Variants in CCDC33 observed in about 807,000 individuals in gnomAD.
CCDC33 encodes the protein coiled-coil domain-containing protein 33.
Under a neutral mutation model 91.9 loss-of-function variants are expected in CCDC33, and 94 were observed. The ratio of observed to expected loss-of-function variants is 1.02; its 90% CI spans 0.87 to 1.21. The LOEUF is 1.21. Ranked by LOEUF, CCDC33 falls within the 50% of genes most tolerant of loss-of-function variation. CCDC33 has a pLI of 0.00. For missense variants in CCDC33, 940 were observed against 935.5 expected (o/e 1.00, Z -0.06); for synonymous variants, 396 against 374.5 (o/e 1.06, Z -0.66).
chr15:74,295,009 CAG>C (rs1290259272), intron 10 of CCDC33, among the ~76,000 whole-genome samples: 2 of 152,144 alleles, frequency 1.3e-5, no homozygotes, highest in African/African-American at 4.8e-5. Context: ...TCAGAATATA[CAG>C]AGAGGAGAGA....
At chr15:74,231,123 G>A (rs548662062) in intron 2 of CCDC33, among the ~76,000 whole-genome samples, 1 of 152,308 alleles carries the variant, frequency 6.6e-6, no homozygotes, top group African/African-American at 2.4e-5. Context: ...AGCAACCAGG[G>A]AAAGGTCAGA....
At position 74,244,308 on chromosome 15, in the gene CCDC33, T is replaced by C. The variant is rs2142272843; in HGVS notation, c.185+160T>C. ...GGGCACTACCTGGCATCTCCGCTGCTGCATGGGAAGCTGCTCACCAGGGCT... is the reference window on the plus strand; with the variant it reads ...GGGCACTACCTGGCATCTCCGCTGCCGCATGGGAAGCTGCTCACCAGGGCT... On this transcript the variant is annotated intron_variant, in intron 2 of 18. Transcript: ENST00000398814. The surrounding 1 kb of genome is among the most constrained non-coding windows in gnomAD (Gnocchi z 4.2). Among the ~76,000 whole-genome samples, 1 of 152,298 alleles carries C rather than the reference T, an allele frequency of 6.6e-6. No individual in the cohort carries two copies.
rs960212078 is a variant in CCDC33, at chr15:74,298,556, C to T, written c.1290+2608C>T. 5.9e-5 allele frequency among the ~76,000 whole-genome samples: 9 copies of T among 151,916 alleles called. No homozygotes were observed. In the East Asian group the frequency reaches 1.5e-3, roughly 26 times the overall value. On this transcript the variant is annotated intron_variant, in intron 11 of 18. Coordinates refer to ENST00000398814, the MANE Select transcript of CCDC33 (RefSeq NM_025055.5). ...GGTTTTTTGTTTGTTTGTTTGTTTT[C>T]GAGATGGAGTTTCGCTCTTGTTATC...
At chr15:74,301,891 CTCCTT>C (rs2059802363) in intron 11 of CCDC33, 1 of 149,746 alleles carries the variant, frequency 6.7e-6, no homozygotes, top group African/African-American at 2.4e-5. Flanking sequence ...CCACCTCTCT[CTCCTT>C]CTCTCTCTCT....
intron 10 of CCDC33, among the ~76,000 whole-genome samples, chr15:74,285,704 A>C (rs351203): frequency 0.11 from 16,621 of 151,628 alleles, 2,737 homozygotes; most frequent in African/African-American, 0.36. Context: ...GGAATATTGC[A>C]CTTGAAGGTG....
intron 11 of CCDC33, among the ~76,000 whole-genome samples, chr15:74,329,953 C>T (rs1216261450): frequency 2.0e-5 from 3 of 152,196 alleles, no homozygotes; most frequent in East Asian, 1.9e-4. Flanking sequence ...TATCACAGGA[C>T]GTGATGTGGC....
rs1306973922 is a variant in CCDC33, at chr15:74,295,773, C to T, written c.1115C>T (p.Thr372Ile). 1 of 1,612,700 alleles carries T rather than the reference C, an allele frequency of 6.2e-7. No homozygotes were observed. Among genetic ancestry groups the T allele is most frequent in the African/African-American group, 1.3e-5 (1 of 74,780 alleles). ...TCTCAGAGACCAGAAAACTTCTTGA[C>T]ACCAAACAACAGCAAGGCTCTTCCT... is the stretch of plus-strand genomic sequence containing the variant. ...LSSERPENFL[T>I]PNNSKALPTL... is the part of the protein sequence containing the mutation. Residue 372 changes from threonine (T) to isoleucine (I), a missense_variant, in exon 11 of 19, where the codon ACA becomes ATA. By Grantham distance (89) the Thr-to-Ile change is moderately conservative. Coordinates refer to ENST00000398814, the MANE Select transcript of CCDC33 (RefSeq NM_025055.5).
At chr15:74,227,021 C>T (rs2074821968) in intron 2 of CCDC33, among the ~76,000 whole-genome samples, 1 of 152,132 alleles carries the variant, frequency 6.6e-6, no homozygotes, top group South Asian at 2.1e-4. Context: ...ACTATCCCCT[C>T]TGTACCAGAG....
chr15:74,304,301 G>A (rs1255511524), intron 11 of CCDC33: 1 of 152,088 alleles, frequency 6.6e-6, no homozygotes, highest in African/African-American at 2.4e-5. Context: ...TGTGTTCCTG[G>A]GGCCCTGCGA....
intron 2 of CCDC33, among the ~76,000 whole-genome samples, chr15:74,229,068 C>T (rs902485667): frequency 6.6e-6 from 1 of 152,182 alleles, no homozygotes; most frequent in Admixed American, 6.5e-5. Context: ...GGGCGAGGTA[C>T]CCAAGGCTGT....
intron 2 of CCDC33, among the ~76,000 whole-genome samples, chr15:74,226,483 G>T (rs1292899451): frequency 6.6e-6 from 1 of 152,136 alleles, no homozygotes; most frequent in Non-Finnish European, 1.5e-5. Context: ...GGAGACAGTT[G>T]CACCCTGCCT....
At chr15:74,250,023 A>G (rs1447191741) in intron 2 of CCDC33, among the ~76,000 whole-genome samples, 1 of 151,104 alleles carries the variant, frequency 6.6e-6, no homozygotes, top group Non-Finnish European at 1.5e-5. Flanking sequence ...TCTAGCCTGT[A>G]CTCTTTTTCC....
intron 10 of CCDC33, among the ~76,000 whole-genome samples, chr15:74,286,547 A>G (rs1391156129): frequency 2.0e-5 from 3 of 152,174 alleles, no homozygotes; most frequent in Non-Finnish European, 4.4e-5. Flanking sequence ...GGAGCCTGGC[A>G]TGCACACAGT....
chr15:74,225,115 G>GGTGTGTGTGT (rs1424751006), intron 2 of CCDC33, among the ~76,000 whole-genome samples: 59 of 117,196 alleles, frequency 5.0e-4, no homozygotes, highest in African/African-American at 2.1e-3. Flanking sequence ...ACCTCCTGGA[G>GGTGTGTGTGT]GCGTGTGTGT....
intron 10 of CCDC33, among the ~76,000 whole-genome samples, chr15:74,288,279 A>G (rs887813636): frequency 3.3e-5 from 5 of 152,102 alleles, no homozygotes; most frequent in Non-Finnish European, 7.4e-5. Context: ...CCCTACTGAC[A>G]TTTGCAAACT....
chr15:74,311,064 C>T (rs953108086), intron 11 of CCDC33, among the ~76,000 whole-genome samples: 1 of 152,100 alleles, frequency 6.6e-6, no homozygotes, highest in African/African-American at 2.4e-5. Flanking sequence ...ACAGGGCGCA[C>T]GGGGCCTGTA....
intron 5 of CCDC33, 149 bp from the exon 6 acceptor site, chr15:74,271,554 G>C: frequency 3.3e-6 from 2 of 610,728 alleles, no homozygotes; most frequent in South Asian, 4.1e-5. Context: ...AACCGAGTAA[G>C]GCAGGGAACA....
At chr15:74,313,005 G>A (rs1340018487) in intron 11 of CCDC33, among the ~76,000 whole-genome samples, 1 of 152,244 alleles carries the variant, frequency 6.6e-6, no homozygotes, top group Non-Finnish European at 1.5e-5. Flanking sequence ...GGGAGGTAGG[G>A]TGTTTGTTCT....
At chr15:74,304,533 C>T (rs763141887) in intron 11 of CCDC33, 4 of 152,226 alleles carry the variant, frequency 2.6e-5, no homozygotes, top group Admixed American at 2.0e-4. Flanking sequence ...CAGATATTTA[C>T]GGCTCCGTTT....
Sources: allele counts gnomAD v4.1 joint callset (sites outside exome capture counted in the v4.1 genomes callset), GRCh38; gene constraint gnomAD v4.1.1; non-coding constraint Gnocchi (gnomAD v3.1); transcripts MANE v1.5; gene names NCBI Gene and HGNC (gene_info 2026-07-23, HGNC 2026-07-21).